ACSM3: variants seen among roughly 807,000 people sequenced by gnomAD.
ACSM3 encodes the protein acyl-coenzyme A synthetase ACSM3, mitochondrial.
A neutral mutation model predicts 74.1 loss-of-function variants in ACSM3; 61 were observed. That is an observed-to-expected ratio of 0.82 (90% CI 0.67 to 1.02). The LOEUF (loss-of-function observed/expected upper bound fraction) is 1.02. ACSM3 is among the 50% of genes least tolerant of loss of function. The probability of loss-of-function intolerance (pLI) is 0.00; values close to 1 mark genes in which losing one functional copy is unlikely to be tolerated. For missense variants in ACSM3, 660 were observed against 697.0 expected, an observed-to-expected ratio of 0.95 and a Z score of 0.60; for synonymous variants, 213 against 241.5, an observed-to-expected ratio of 0.88 and a Z score of 1.09.
intron 1 of ACSM3, chr16:20,736,815 T>G: frequency 6.6e-7 from 1 of 1,523,658 alleles, no homozygotes; most frequent in Non-Finnish European, 8.9e-7. Flanking sequence ...CAATTTAAGG[T>G]GGAGCCCCAG....
At chr16:20,711,065 G>A (rs1182184551) in intron 1 of ACSM3, among the ~76,000 whole-genome samples, 2 of 151,304 alleles carry the variant, frequency 1.3e-5, no homozygotes, top group African/African-American at 2.4e-5. Flanking sequence ...CAGCCTGGGT[G>A]ACAGACTAAG....
intron 1 of ACSM3, among the ~76,000 whole-genome samples, chr16:20,706,134 G>C (rs530153195): frequency 6.6e-6 from 1 of 151,414 alleles, no homozygotes; most frequent in African/African-American, 2.4e-5. Context: ...TCTAGAAAAA[G>C]ACAGAAAAAA....
At chr16:20,765,016 C>T (rs1473167547) in intron 1 of ACSM3, among the ~76,000 whole-genome samples, 3 of 152,170 alleles carry the variant, frequency 2.0e-5, no homozygotes, top group Admixed American at 6.5e-5. Flanking sequence ...TGTTAAACTA[C>T]TGTTATTACT....
intron 1 of ACSM3, among the ~76,000 whole-genome samples, chr16:20,713,163 T>C (rs1327283716): frequency 6.6e-6 from 1 of 152,184 alleles, no homozygotes; most frequent in Non-Finnish European, 1.5e-5. Context: ...ACAATGGAGA[T>C]AATGATAGTA....
At chr16:20,721,761 T>C (rs1040163008) in intron 1 of ACSM3, 3 of 152,190 alleles carry the variant, frequency 2.0e-5, no homozygotes, top group Non-Finnish European at 4.4e-5. Flanking sequence ...ACTGATACGA[T>C]TGTACAGGAC....
chr16:20,690,937 C>T, intron 1 of ACSM3: 1 of 1,528,246 alleles, frequency 6.5e-7, no homozygotes, highest in Non-Finnish European at 8.9e-7. Flanking sequence ...CTAGTAGGAG[C>T]AAGATAAGGA....
At chr16:20,727,776 G>A (rs2079811957) in intron 1 of ACSM3, among the ~76,000 whole-genome samples, 2 of 152,196 alleles carry the variant, frequency 1.3e-5, no homozygotes, top group East Asian at 3.9e-4. Context: ...AATCATCTGA[G>A]AGCCTCTGTG....
chr16:20,748,059 C>T (rs1344909062), intron 1 of ACSM3, among the ~76,000 whole-genome samples: 1 of 151,998 alleles, frequency 6.6e-6, no homozygotes, highest in Non-Finnish European at 1.5e-5. Flanking sequence ...ATCGTTTGAG[C>T]CCAGGAGGTC....
intron 1 of ACSM3, chr16:20,736,773 G>T (rs2079873219): frequency 9.1e-7 from 1 of 1,102,780 alleles, no homozygotes; most frequent in Non-Finnish European, 1.3e-6. Context: ...ACAGCATAAT[G>T]CAGCACACAA....
chr16:20,721,481 C>A (rs2079785290), intron 1 of ACSM3: 1 of 151,982 alleles, frequency 6.6e-6, no homozygotes. Flanking sequence ...TGATAAATTA[C>A]TTTTTATTAA....
intron 3 of ACSM3, among the ~76,000 whole-genome samples, chr16:20,757,882 A>G (rs1240258592): frequency 1.3e-5 from 2 of 151,984 alleles, no homozygotes; most frequent in Non-Finnish European, 2.9e-5. Flanking sequence ...TTCTGCATCT[A>G]TTGAGATAAT....
chr16:20,737,312 A>G (rs774943784), intron 1 of ACSM3: 1 of 1,582,856 alleles, frequency 6.3e-7, no homozygotes, highest in Non-Finnish European at 8.6e-7. Context: ...AAAAACACAT[A>G]GCTGAGGAGG....
chr16:20,789,603 G>C, intron 9 of ACSM3: 1 of 1,365,264 alleles, frequency 7.3e-7, no homozygotes, highest in Non-Finnish European at 1.0e-6. Flanking sequence ...TATTTATCAA[G>C]AGGAAAAGAT....
chr16:20,684,072 G>T (rs1382742154), intron 1 of ACSM3, among the ~76,000 whole-genome samples: 1 of 152,144 alleles, frequency 6.6e-6, no homozygotes, highest in Non-Finnish European at 1.5e-5. Context: ...ATGATAAAAT[G>T]AGAGAAGTGA....
intron 1 of ACSM3, chr16:20,680,909 C>T (rs2079431821): frequency 3.3e-5 from 5 of 152,240 alleles, no homozygotes. Flanking sequence ...TCAAGCCATT[C>T]TTCTTTCTAA....
intron 1 of ACSM3, among the ~76,000 whole-genome samples, chr16:20,745,750 A>C (rs779234942): frequency 6.6e-6 from 1 of 152,170 alleles, no homozygotes; most frequent in Non-Finnish European, 1.5e-5. Context: ...GGTGTGACAC[A>C]TTCTAGATTC....
Position 20,770,138 on chromosome 16 carries a change from C to T in ACSM3, c.104C>T (p.Ala35Val). 6.2e-7 allele frequency: 1 copy of T among 1,614,114 alleles called. No individual in the cohort carries two copies. Among genetic ancestry groups the T allele is most frequent in the East Asian group, 2.2e-5 (1 of 44,882 alleles). ...GCACTGCATAAAGATAATAGAACAG[C>T]AACCCCTCAGAATTTCTCCAACTAT... The part of the protein sequence containing the change: ...VRALHKDNRT[A>V]TPQNFSNYES... Residue 35 changes from alanine (A) to valine (V), a missense_variant, in exon 2 of 14, where the codon GCA becomes GTA. Physicochemically the swap from Ala to Val is moderately conservative, Grantham distance 64. Coordinates refer to ENST00000289416, the MANE Select transcript of ACSM3 (RefSeq NM_005622.4).
intron 1 of ACSM3, among the ~76,000 whole-genome samples, chr16:20,718,023 GA>G (rs2079771601): frequency 1.4e-5 from 2 of 146,986 alleles, no homozygotes; most frequent in African/African-American, 5.2e-5. Context: ...AGAAGAAGAA[GA>G]AGAAAAGAAA....
chr16:20,753,711 GA>G (rs1437271690), intron 2 of ACSM3, among the ~76,000 whole-genome samples: 1 of 152,040 alleles, frequency 6.6e-6, no homozygotes, highest in Admixed American at 6.6e-5. Context: ...CTATTTTTGA[GA>G]AATTTTGCTG....
Sources: gnomAD v4.1 joint callset for allele counts (sites outside exome capture counted in the v4.1 genomes callset) on GRCh38, gnomAD v4.1.1 for gene constraint, MANE v1.5 for transcripts, NCBI Gene and HGNC (gene_info 2026-07-23, HGNC 2026-07-21) for gene names.